The following SNX31 variants were observed in gnomAD, a reference collection of about 807,000 sequenced individuals.
SNX31 encodes the protein sorting nexin 31, also known as sorting nexin-31.
A neutral mutation model predicts 65.4 loss-of-function variants in SNX31; 58 were observed. The ratio of observed to expected loss-of-function variants is 0.89; its 90% confidence interval spans 0.72 to 1.10. SNX31 has a LOEUF of 1.10. Ranked by LOEUF, SNX31 falls within the 50% of genes least tolerant of loss-of-function variation. The pLI is 0.00. For synonymous variants in SNX31, 181 were observed against 190.1 expected, an observed-to-expected ratio of 0.95 and a Z score of 0.39; for missense variants, 523 against 529.7, an observed-to-expected ratio of 0.99 and a Z score of 0.12.
At chr8:100,640,745 G>A (rs1483796280) in intron 2 of SNX31, among the ~76,000 whole-genome samples, 1 of 151,718 alleles carries the variant, frequency 6.6e-6, no homozygotes, top group African/African-American at 2.4e-5. Context: ...TTCCAAGAAG[G>A]ATATTCTACA....
Position 100,594,077 on chromosome 8 carries a change from C to A in SNX31, c.978+2562G>T, listed in dbSNP as rs1814836787. ...CAGCACTTTGGGAGGCCGAAGCAGG[C>A]AGATTGTTTGAGGTCAGGAGTTTGA... is the stretch of plus-strand genomic sequence containing the variant. On this transcript the variant is annotated intron_variant, in intron 10 of 13. Transcript: ENST00000311812. The surrounding 1 kb of genome is among the most constrained non-coding windows in gnomAD (Gnocchi z 4.0). Among the ~76,000 whole-genome samples, 1 of 152,022 alleles carries A rather than the reference C, an allele frequency of 6.6e-6. No individual in the cohort carries two copies. The highest frequency in any genetic ancestry group is 2.4e-5 in the African/African-American group (1 of 41,392).
chr8:100,658,927 A>G (rs578061558), intron 1 of SNX31, among the ~76,000 whole-genome samples: 1 of 152,312 alleles, frequency 6.6e-6, no homozygotes, highest in African/African-American at 2.4e-5. Flanking sequence ...TCAAATTTGA[A>G]TACAGTTGTT....
intron 9 of SNX31, among the ~76,000 whole-genome samples, chr8:100,599,415 T>C (rs1586901510): frequency 6.6e-6 from 1 of 152,256 alleles, no homozygotes; most frequent in East Asian, 1.9e-4. Context: ...GCTGCACTTG[T>C]TAAAATTTAC....
In SNX31 at chr8:100,573,932, C is replaced by A; in HGVS notation, c.1256G>T (p.Arg419Ile). Reference protein sequence around the residue: ...QQKDYSSFLSRKSKIKIAKDD... With the variant: ...QQKDYSSFLSIKSKIKIAKDD... ...TTTAGCTATCTTAATCTTGCTTTTT[C>A]TTGATAGAAAACTAGAATAGTCTTT... Residue 419 changes from arginine to isoleucine, a missense_variant, in exon 14 of 14, where the codon AGA becomes ATA. By Grantham distance (97) the Arg-to-Ile change is moderately conservative. Transcript: ENST00000311812. The A allele has an allele frequency of 6.3e-7, 1 of 1,584,902 alleles. No homozygotes were observed. Among genetic ancestry groups the A allele is most frequent in the Non-Finnish European group, 8.6e-7 (1 of 1,166,490 alleles).
chr8:100,615,792 C>T (rs961559916), intron 5 of SNX31, among the ~76,000 whole-genome samples: 8 of 152,042 alleles, frequency 5.3e-5, no homozygotes, highest in East Asian at 1.9e-4. Context: ...TTTTTGGAGA[C>T]GGAGTCTTGC....
At position 100,648,192 on chromosome 8, in the gene SNX31, A is replaced by T. The variant is rs1459640809; in HGVS notation, c.141+1082T>A. On this transcript the variant is annotated intron_variant, in intron 2 of 13. Coordinates refer to ENST00000311812, the MANE Select transcript of SNX31 (RefSeq NM_152628.4). This position sits in a 1 kb window ranked among gnomAD's most constrained non-coding sequence, Gnocchi z 4.3. The stretch of plus-strand genomic sequence containing the variant: ...AAACTAAGCTGTCGGTCAACAGAAG[A>T]TGGTTAAATGAAACATGGTGTATCT... Among the ~76,000 whole-genome samples, 1 of 152,206 alleles carries T rather than the reference A, an allele frequency of 6.6e-6. No individual in the cohort carries two copies. Among genetic ancestry groups the T allele is most frequent in the Non-Finnish European group, 1.5e-5 (1 of 68,042 alleles).
intron 1 of SNX31, among the ~76,000 whole-genome samples, chr8:100,662,514 G>A (rs1786346): frequency 0.18 from 28,041 of 151,956 alleles, 2,811 homozygotes; most frequent in Admixed American, 0.32. Flanking sequence ...CCTGGCCAAC[G>A]TGGTGAAAAC....
At chr8:100,596,177 C>T (rs886084686) in intron 10 of SNX31, among the ~76,000 whole-genome samples, 15 of 152,198 alleles carry the variant, frequency 9.9e-5, no homozygotes, top group East Asian at 5.8e-4. Flanking sequence ...GACAGTGCAG[C>T]GCAGCCCCTG....
At chr8:100,600,634 A>G (rs1269580227) in intron 8 of SNX31, among the ~76,000 whole-genome samples, 193 bp from the exon 9 acceptor site, 1 of 151,802 alleles carries the variant, frequency 6.6e-6, no homozygotes. Context: ...AATTGGCAAC[A>G]CTTGGCAAAA....
chr8:100,579,699 C>T (rs1003071389), intron 12 of SNX31, among the ~76,000 whole-genome samples: 6 of 152,226 alleles, frequency 3.9e-5, no homozygotes, highest in East Asian at 3.9e-4. Flanking sequence ...GGGAAAAATA[C>T]ATCTGGTGAT....
At chr8:100,581,333 C>CTATATCTATATCTA (rs1330316859) in intron 12 of SNX31, among the ~76,000 whole-genome samples, 4 of 137,226 alleles carry the variant, frequency 2.9e-5, no homozygotes, top group African/African-American at 1.2e-4. Flanking sequence ...ATCTATCTAT[C>CTATATCTATATCTA]TATCTATATA....
chr8:100,614,194 T>G lies in SNX31; in HGVS notation c.433-1109A>C, dbSNP rs1273824362. ...TCTTTCTGTCTCTCTCTTTCCCCCA[T>G]GTTTTGGGCTGCAAAACACCCAAAA... is the stretch of plus-strand genomic sequence containing the variant. On this transcript the variant is annotated intron_variant, in intron 5 of 13. Coordinates refer to ENST00000311812, the MANE Select transcript of SNX31 (RefSeq NM_152628.4). This position sits in a 1 kb window ranked among gnomAD's most constrained non-coding sequence, Gnocchi z 5.1. 6.6e-6 allele frequency among the ~76,000 whole-genome samples: 1 copy of G among 152,212 alleles called. No individual in the cohort carries two copies. The highest frequency in any genetic ancestry group is 1.5e-5 in the Non-Finnish European group (1 of 68,036).
In SNX31 at chr8:100,625,770, A is replaced by T. The variant is rs1258332145; in HGVS notation, c.321+4557T>A. Among the ~76,000 whole-genome samples the T allele has an allele frequency of 1.3e-5, 2 of 152,154 alleles. No homozygotes were observed. The highest frequency in any genetic ancestry group is 1.5e-5 in the Non-Finnish European group (1 of 68,030). On this transcript the variant is annotated intron_variant, in intron 4 of 13. Transcript: ENST00000311812. The surrounding 1 kb of genome is among the most constrained non-coding windows in gnomAD (Gnocchi z 4.2). Reference sequence around the variant, plus strand: ...AAGCTGCCTCAAAGCAGTTAATCACATGGTGCTCAGCCTGTCTGAGAGCGC... The same window carrying T: ...AAGCTGCCTCAAAGCAGTTAATCACTTGGTGCTCAGCCTGTCTGAGAGCGC...
chr8:100,657,641 T>G, intron 1 of SNX31: 1 of 455,634 alleles, frequency 2.2e-6, no homozygotes, highest in Non-Finnish European at 4.4e-6. Flanking sequence ...CTGGAGGGCT[T>G]GGGAGCCAGT....
chr8:100,632,805 C>G (rs921194972), intron 3 of SNX31, among the ~76,000 whole-genome samples: 1 of 152,062 alleles, frequency 6.6e-6, no homozygotes, highest in Non-Finnish European at 1.5e-5. Flanking sequence ...CTATATTGCT[C>G]AGGTTGGTCT....
At chr8:100,655,354 G>C (rs938765710) in intron 1 of SNX31, among the ~76,000 whole-genome samples, 6 of 152,196 alleles carry the variant, frequency 3.9e-5, no homozygotes, top group Middle Eastern at 6.3e-3. Flanking sequence ...TGGTTTGGCT[G>C]TATCCCCACC....
chr8:100,583,978 T>C (rs1318635525), intron 12 of SNX31, 133 bp downstream of exon 12: 1 of 669,122 alleles, frequency 1.5e-6, no homozygotes, highest in East Asian at 3.3e-5. Flanking sequence ...AGGAGCTCAC[T>C]TCTGTGGTTT....
At position 100,598,394 on chromosome 8, in the gene SNX31, T is replaced by C. The variant is rs575064873; in HGVS notation, c.775-1552A>G. Among the ~76,000 whole-genome samples the C allele has an allele frequency of 8.5e-5, 13 of 152,354 alleles. No individual in the cohort carries two copies. The South Asian group carries it at 2.7e-3, about 32-fold the overall frequency. ...TTGCTACAACACTTTCTAAGTGATATGGTATAAATTTATAATTGTTTATCT... is the reference window on the plus strand; with the variant it reads ...TTGCTACAACACTTTCTAAGTGATACGGTATAAATTTATAATTGTTTATCT... On this transcript the variant is annotated intron_variant, in intron 9 of 13. Coordinates refer to ENST00000311812, the MANE Select transcript of SNX31 (RefSeq NM_152628.4).
chr8:100,587,815 T>G (rs533445239), intron 11 of SNX31, among the ~76,000 whole-genome samples: 10 of 152,332 alleles, frequency 6.6e-5, no homozygotes, highest in African/African-American at 2.4e-4. Flanking sequence ...TTGGGTCCCA[T>G]CCTCAAGATA....
Sources: allele counts gnomAD v4.1 joint callset (sites outside exome capture counted in the v4.1 genomes callset), GRCh38; gene constraint gnomAD v4.1.1; non-coding constraint Gnocchi (gnomAD v3.1); transcripts MANE v1.5; gene names NCBI Gene and HGNC (gene_info 2026-07-23, HGNC 2026-07-21).